The following PTPRB variants were observed in gnomAD, a reference collection of about 807,000 sequenced individuals.
PTPRB encodes protein tyrosine phosphatase receptor type B.
Under a neutral mutation model 238.1 loss-of-function variants are expected in PTPRB, and 97 were observed. The observed-to-expected ratio is 0.41, with a 90% confidence interval of 0.35 to 0.48. PTPRB has a LOEUF of 0.48. Among genes scored for constraint, PTPRB ranks in the 20% least tolerant of loss-of-function variants. The pLI, the probability that PTPRB is intolerant of heterozygous loss-of-function variation, is 0.30. For synonymous variants in PTPRB, 970 were observed against 995.4 expected, an observed-to-expected ratio of 0.97 and a Z score of 0.48; for missense variants, 2,292 against 2,681.9, an observed-to-expected ratio of 0.85 and a Z score of 3.21.
At chr12:70,534,398 C>G in intron 31 of PTPRB, 90 bp downstream of exon 31, 2 of 1,450,548 alleles carry the variant, frequency 1.4e-6, no homozygotes, top group Non-Finnish European at 1.9e-6. Flanking sequence ...CCTCCACCCA[C>G]CAAATTCCCC....
chr12:70,579,272 C>T (rs1881112481), intron 10 of PTPRB, among the ~76,000 whole-genome samples: 1 of 152,146 alleles, frequency 6.6e-6, no homozygotes, highest in African/African-American at 2.4e-5. Context: ...AAGTTAATGG[C>T]AGAGCTAGGA....
intron 3 of PTPRB, among the ~76,000 whole-genome samples, chr12:70,619,106 TTTA>T (rs901441670): frequency 1.3e-5 from 2 of 151,982 alleles, no homozygotes; most frequent in African/African-American, 4.8e-5. Flanking sequence ...GGCATTTACC[TTTA>T]TTATCAGGCA....
chr12:70,608,761 C>T (rs1884173919), intron 4 of PTPRB: 2 of 338,294 alleles, frequency 5.9e-6, no homozygotes, highest in East Asian at 5.9e-5. Flanking sequence ...GCAATGGAAG[C>T]GTAAACCACA....
At chr12:70,599,064 T>C (rs1252961548) in intron 4 of PTPRB, among the ~76,000 whole-genome samples, 1 of 152,208 alleles carries the variant, frequency 6.6e-6, no homozygotes, top group African/African-American at 2.4e-5. Flanking sequence ...TTGTCCACTA[T>C]TGCTATGCAT....
At chr12:70,633,996 T>A (rs376451542) in intron 2 of PTPRB, among the ~76,000 whole-genome samples, 84 of 152,318 alleles carry the variant, frequency 5.5e-4, no homozygotes, top group African/African-American at 1.9e-3. Flanking sequence ...AGGAAAGGTA[T>A]TGTACAAATT....
chr12:70,551,538 G>C (rs1876878777), intron 21 of PTPRB, among the ~76,000 whole-genome samples: 1 of 151,556 alleles, frequency 6.6e-6, no homozygotes, highest in Non-Finnish European at 1.5e-5. Flanking sequence ...CCTTTTGGAA[G>C]TGGCAGGAGA....
chr12:70,520,475 A>G lies in PTPRB; in HGVS notation c.*1014T>C, dbSNP rs1871543824. 1 of 204,598 alleles carries G rather than the reference A, an allele frequency of 4.9e-6. No homozygotes were observed. Among genetic ancestry groups the G allele is most frequent in the South Asian group, 6.4e-5 (1 of 15,612 alleles). 12.7% of individuals were successfully genotyped at this position (204,598 alleles called of 1,614,324 possible). A position where few individuals can be genotyped will look rare whatever the true frequency, so the allele number is the denominator to read the frequency against. On this transcript the variant is annotated 3_prime_UTR_variant, in exon 34 of 34. Transcript: ENST00000334414. ...GATGTTTGTAGTCATTTCTATGAAA[A>G]TGTTGGCATTAAGCCTTTTAATGAG...
At chr12:70,605,900 G>T (rs970997726) in intron 4 of PTPRB, among the ~76,000 whole-genome samples, 1 of 151,966 alleles carries the variant, frequency 6.6e-6, no homozygotes, top group Non-Finnish European at 1.5e-5. Flanking sequence ...AGTTTAAGAA[G>T]AGCTCTACAA....
chr12:70,635,567 T>G (rs1224033043), intron 2 of PTPRB, 104 bp downstream of exon 2: 44 of 1,354,042 alleles, frequency 3.2e-5, no homozygotes, highest in Non-Finnish European at 4.4e-5. Flanking sequence ...TTGGGGCATG[T>G]GGACTTCCCT....
chr12:70,537,151 G>A (rs1874259958), intron 28 of PTPRB, among the ~76,000 whole-genome samples: 1 of 152,040 alleles, frequency 6.6e-6, no homozygotes, highest in Non-Finnish European at 1.5e-5. Context: ...GCCAGGCGTG[G>A]TGGCAGGTGC....
At chr12:70,575,321 A>T (rs1880558159) in intron 11 of PTPRB, among the ~76,000 whole-genome samples, 1 of 152,206 alleles carries the variant, frequency 6.6e-6, no homozygotes, top group South Asian at 2.1e-4. Flanking sequence ...GCATCCTGTA[A>T]CAATATAAAT....
chr12:70,562,019 C>T (rs1878551076), intron 16 of PTPRB, among the ~76,000 whole-genome samples: 2 of 152,216 alleles, frequency 1.3e-5, no homozygotes, highest in African/African-American at 4.8e-5. Context: ...CCTCTAATTC[C>T]AGCACTTTGG....
Position 70,622,529 on chromosome 12 carries a change from T to A in PTPRB, c.569A>T (p.Glu190Val). 1 of 1,612,184 alleles carries A rather than the reference T, an allele frequency of 6.2e-7. No homozygotes were observed. Among genetic ancestry groups the A allele is most frequent in the Non-Finnish European group, 8.5e-7 (1 of 1,178,934 alleles). ...GLVFLIRNTT[E>V]AFIRNAAENY... Reference sequence around the variant, plus strand: ...TTCTGCAGCATTTCTGATGAAGGCCTCTGTGGTATTCCTAATAAGGAATAC... The same window carrying A: ...TTCTGCAGCATTTCTGATGAAGGCCACTGTGGTATTCCTAATAAGGAATAC... Residue 190 changes from glutamate (E) to valine (V), a missense_variant, in exon 3 of 34, where the codon GAG becomes GTG. By Grantham distance (121) the Glu-to-Val change is moderately radical (BLOSUM62 -2). Transcript: ENST00000334414.
chr12:70,609,399 C>A, intron 3 of PTPRB, 60 bp from the exon 4 acceptor site: 1 of 1,557,462 alleles, frequency 6.4e-7, no homozygotes. Context: ...AGGGACATGT[C>A]CACAGCAAGC....
chr12:70,598,946 T>C (rs1883253912), intron 4 of PTPRB, among the ~76,000 whole-genome samples: 1 of 152,108 alleles, frequency 6.6e-6, no homozygotes, highest in Non-Finnish European at 1.5e-5. Context: ...GTACATCCGC[T>C]AGAACAAAGG....
chr12:70,551,394 G>T (rs1876860104), intron 21 of PTPRB, among the ~76,000 whole-genome samples: 2 of 152,176 alleles, frequency 1.3e-5, no homozygotes, highest in South Asian at 4.1e-4. Flanking sequence ...TGTCTGGTGA[G>T]TCCTGGGTAA....
Position 70,596,184 on chromosome 12 carries a change from C to T in PTPRB, c.1123G>A (p.Val375Ile). ...FDENNQKIQG[V>I]QIQESTSWNE... is the part of the protein sequence containing the mutation. ...CATGAAGTACTTTCTTGAATTTGAACCCCCTGTATCTTTTGGTTATTTTCA... is the reference window on the plus strand; with the variant it reads ...CATGAAGTACTTTCTTGAATTTGAATCCCCTGTATCTTTTGGTTATTTTCA... Residue 375 changes from valine to isoleucine, a missense_variant, in exon 5 of 34, where the codon GTT (valine) becomes ATT (isoleucine). Val to Ile is a conservative substitution (Grantham distance 29, BLOSUM62 3). This residue lies in a region of PTPRB where 1,205 missense variants were observed against 1,287.8 expected (regional missense o/e 0.94). Coordinates refer to ENST00000334414, the MANE Select transcript of PTPRB (RefSeq NM_001109754.4). 2 of 1,613,576 alleles carry T rather than the reference C, an allele frequency of 1.2e-6. No individual in the cohort carries two copies. The highest frequency in any genetic ancestry group is 3.3e-4 in the Middle Eastern group (2 of 6,062).
intron 4 of PTPRB, among the ~76,000 whole-genome samples, chr12:70,604,950 C>T (rs2136522570): frequency 6.6e-6 from 1 of 152,226 alleles, no homozygotes; most frequent in South Asian, 2.1e-4. Flanking sequence ...TTTAAGCCAC[C>T]TAGAGTCAGG....
At chr12:70,548,079 C>T (rs1387088927) in intron 21 of PTPRB, among the ~76,000 whole-genome samples, 1 of 152,030 alleles carries the variant, frequency 6.6e-6, no homozygotes, top group Non-Finnish European at 1.5e-5. Context: ...GTAATTCCAG[C>T]AATTTGGGAG....
Sources: gnomAD v4.1 joint callset for allele counts (sites outside exome capture counted in the v4.1 genomes callset) on GRCh38, gnomAD v4.1.1 for gene constraint, gnomAD v4.1.1 regional missense constraint, MANE v1.5 for transcripts, NCBI Gene and HGNC (gene_info 2026-07-23, HGNC 2026-07-21) for gene names.